The following TMEM202 variants were observed in gnomAD, a reference collection of about 807,000 sequenced individuals.
TMEM202 encodes the protein transmembrane protein 202.
In TMEM202, 25 loss-of-function variants were observed where a neutral mutation model predicts 26.1. The ratio of observed to expected loss-of-function variants is 0.96; its 90% confidence interval spans 0.70 to 1.34. TMEM202 has a LOEUF of 1.34. Among genes scored for constraint, TMEM202 ranks in the 40% most tolerant of loss-of-function variants. The pLI is 0.00. For missense variants in TMEM202, 301 were observed against 327.7 expected, an observed-to-expected ratio of 0.92 and a Z score of 0.63; for synonymous variants, 122 against 119.0, an observed-to-expected ratio of 1.02 and a Z score of -0.16.
chr15:72,402,617 A>G (rs550404797), intron 2 of TMEM202, among the ~76,000 whole-genome samples: 2 of 152,232 alleles, frequency 1.3e-5, no homozygotes, highest in Admixed American at 6.5e-5. Flanking sequence ...CCCTTCTGTT[A>G]TTTTCCCATA....
chr15:72,406,757 G>T lies in TMEM202; in HGVS notation c.487+6G>T. On this transcript the variant is annotated splice_donor_region_variant and intron_variant, in intron 3 of 4. Coordinates refer to ENST00000341689, the MANE Select transcript of TMEM202 (RefSeq NM_001080462.3). ...CATGCTCAGCTTCATCTCAGGTACA[G>T]ACCTAGACTGGCAGGGTATTTTACC... 2.5e-6 allele frequency: 4 copies of T among 1,613,432 alleles called. No homozygotes were observed. The highest frequency in any genetic ancestry group is 3.4e-6 in the Non-Finnish European group (4 of 1,179,808).
intron 2 of TMEM202, among the ~76,000 whole-genome samples, chr15:72,403,438 G>A (rs1257647298): frequency 6.6e-6 from 1 of 152,174 alleles, no homozygotes; most frequent in Non-Finnish European, 1.5e-5. Flanking sequence ...ACTTAAGTCT[G>A]CATCAAAGTA....
rs1595824227 is a variant in TMEM202, at chr15:72,401,170, C to T, written c.337+2262C>T. ...CTTTATGACCTGTATTTTGTGCTGACCTCCTATCATTCAGTGACTAAGAAT... is the reference window on the plus strand; with the variant it reads ...CTTTATGACCTGTATTTTGTGCTGATCTCCTATCATTCAGTGACTAAGAAT... On this transcript the variant is annotated intron_variant, in intron 2 of 4. Coordinates refer to ENST00000341689, the MANE Select transcript of TMEM202 (RefSeq NM_001080462.3). 2.0e-5 allele frequency among the ~76,000 whole-genome samples: 3 copies of T among 152,130 alleles called. No individual in the cohort carries two copies. The South Asian group carries it at 6.2e-4, about 32-fold the overall frequency.
chr15:72,400,638 G>T (rs2063543153), intron 2 of TMEM202, among the ~76,000 whole-genome samples: 1 of 152,128 alleles, frequency 6.6e-6, no homozygotes, highest in Non-Finnish European at 1.5e-5. Context: ...GCTGGGTGTG[G>T]TGACTCACGC....
At position 72,407,304 on chromosome 15, in the gene TMEM202, A is replaced by C. The variant is rs2063577197; in HGVS notation, c.619+87A>C. On this transcript the variant is annotated intron_variant, in intron 4 of 4. Transcript: ENST00000341689. Reference sequence around the variant, plus strand: ...GGTATAATCCAGGAGAAATAGAAGCACTGACTGTTCCTTTTCAGAACACTG... The same window carrying C: ...GGTATAATCCAGGAGAAATAGAAGCCCTGACTGTTCCTTTTCAGAACACTG... 4 of 1,454,886 alleles carry C rather than the reference A, an allele frequency of 2.7e-6. No individual in the cohort carries two copies. The East Asian group carries it at 9.2e-5, about 33-fold the overall frequency. The allele number at this position is 1,454,886 out of a possible 1,614,324, so 90.1% of individuals were successfully genotyped here.
chr15:72,407,585 C>A, intron 4 of TMEM202, 106 bp from the exon 5 acceptor site: 1 of 989,084 alleles, frequency 1.0e-6, no homozygotes, highest in Non-Finnish European at 1.5e-6. Context: ...GAGGGGTTCA[C>A]TGAAAAGATG....
chr15:72,404,960 A>T (rs941884430), intron 2 of TMEM202, among the ~76,000 whole-genome samples: 1 of 152,170 alleles, frequency 6.6e-6, no homozygotes, highest in Non-Finnish European at 1.5e-5. Context: ...GTCTTCAGAA[A>T]ATGTGCAGCT....
intron 2 of TMEM202, among the ~76,000 whole-genome samples, chr15:72,405,427 T>G (rs2063566413): frequency 6.6e-6 from 1 of 152,172 alleles, no homozygotes; most frequent in Admixed American, 6.6e-5. Context: ...TGTTCCATCT[T>G]AGGGATGTGG....
chr15:72,406,985 C>T, intron 3 of TMEM202, 101 bp from the exon 4 acceptor site: 1 of 1,474,878 alleles, frequency 6.8e-7, no homozygotes, highest in Admixed American at 2.2e-5. Context: ...CTTTTTGATC[C>T]TCGCTATACA....
chr15:72,402,947 G>C (rs1049710591), intron 2 of TMEM202, among the ~76,000 whole-genome samples: 25 of 152,162 alleles, frequency 1.6e-4, no homozygotes, highest in African/African-American at 6.0e-4. Context: ...TGAGCCTGGA[G>C]AAGTTGTATG....
At position 72,408,016 on chromosome 15, in the gene TMEM202, G is replaced by T; in HGVS notation, c.*123G>T. 1.3e-6 allele frequency: 1 copy of T among 746,594 alleles called. No individual in the cohort carries two copies. The highest frequency in any genetic ancestry group is 2.1e-6 in the Non-Finnish European group (1 of 465,488). 46.2% of individuals were successfully genotyped at this position (746,594 alleles called of 1,614,324 possible). On this transcript the variant is annotated 3_prime_UTR_variant, in exon 5 of 5. Coordinates refer to ENST00000341689, the MANE Select transcript of TMEM202 (RefSeq NM_001080462.3). ...TATTACTTGAGGAGACAGCATTAAA[G>T]CTGATGAAATGTCTTTTGCGTGCAT...
At position 72,399,059 on chromosome 15, in the gene TMEM202, G is replaced by A. The variant is rs963658866; in HGVS notation, c.337+151G>A. On this transcript the variant is annotated intron_variant, in intron 2 of 4. Coordinates refer to ENST00000341689, the MANE Select transcript of TMEM202 (RefSeq NM_001080462.3). ...GATCTTTCTTTGGTATCCTCAGTGT[G>A]CCCTTTCTCTCTCCTATTCCAGGTT... 5.7e-6 allele frequency: 5 copies of A among 883,526 alleles called. No individual in the cohort carries two copies. In the African/African-American group the frequency reaches 6.7e-5, roughly 12 times the overall value. The allele number at this position is 883,526 out of a possible 1,614,324, so 54.7% of individuals were successfully genotyped here. A position where few individuals can be genotyped will look rare whatever the true frequency, so the allele number is the denominator to read the frequency against.
At chr15:72,402,392 A>G (rs1203027711) in intron 2 of TMEM202, among the ~76,000 whole-genome samples, 2 of 152,138 alleles carry the variant, frequency 1.3e-5, no homozygotes, top group African/African-American at 4.8e-5. Flanking sequence ...CGTAAGTTTC[A>G]CAGGGGCTAT....
intron 2 of TMEM202, among the ~76,000 whole-genome samples, chr15:72,399,894 G>T (rs1231871928): frequency 6.6e-6 from 1 of 152,142 alleles, no homozygotes; most frequent in Non-Finnish European, 1.5e-5. Context: ...TGTGAGTAAA[G>T]CATCTATTCT....
rs2140354833 is a variant in TMEM202, at chr15:72,398,826, C to G, written c.255C>G (p.Ile85Met). 6.2e-7 allele frequency: 1 copy of G among 1,614,174 alleles called. No individual in the cohort carries two copies. Residue 85 changes from isoleucine (I) to methionine (M), a missense_variant, in exon 2 of 5, where the codon ATC (isoleucine) becomes ATG (methionine). Ile to Met is a conservative substitution (Grantham distance 10). Coordinates refer to ENST00000341689, the MANE Select transcript of TMEM202 (RefSeq NM_001080462.3). Reference protein sequence around the residue: ...SPLNWVQFLVIKNGLELYAGL... With the variant: ...SPLNWVQFLVMKNGLELYAGL... ...TGAACTGGGTACAGTTTCTGGTGATCAAGAATGGCCTTGAGCTCTACGCAG... is the reference window on the plus strand; with the variant it reads ...TGAACTGGGTACAGTTTCTGGTGATGAAGAATGGCCTTGAGCTCTACGCAG...
intron 2 of TMEM202, 48 bp from the exon 3 acceptor site, chr15:72,406,554 G>C (rs373323522): frequency 1.3e-6 from 2 of 1,553,794 alleles, no homozygotes; most frequent in Non-Finnish European, 1.8e-6. Flanking sequence ...TTAAGGGAAG[G>C]TCCCTCACTG....
Position 72,407,712 on chromosome 15 carries a change from A to T in TMEM202, c.641A>T (p.Tyr214Phe), listed in dbSNP as rs2063579493. 1 of 1,613,870 alleles carries T rather than the reference A, an allele frequency of 6.2e-7. No homozygotes were observed. The stretch of plus-strand genomic sequence containing the variant: ...GTAGGGATCATCTCTCTTCTCAACT[A>T]CTTAACTTCCAGATCGCCTGCCTGT... ...MFAGIISLLN[Y>F]LTSRSPACDE... The change falls in exon 5 of 5, where the codon TAC becomes TTC. Residue 214 changes from tyrosine to phenylalanine, a missense_variant. Physicochemically the swap from Tyr to Phe is conservative, Grantham distance 22. Coordinates refer to ENST00000341689, the MANE Select transcript of TMEM202 (RefSeq NM_001080462.3).
At position 72,407,889 on chromosome 15, in the gene TMEM202, G is replaced by A. The variant is rs2063581112; in HGVS notation, c.818G>A (p.Trp273Ter). 2 of 1,612,268 alleles carry A rather than the reference G, an allele frequency of 1.2e-6. No individual in the cohort carries two copies. The highest frequency in any genetic ancestry group is 2.7e-5 in the African/African-American group (2 of 74,986). ...AATTTACCAAAGTCAGGACTGTGGT[G>A]GTGATAGGAAAACCTAACTATAGCT... Reference protein sequence around the residue: ...EKNLPKSGLWW With the variant: ...EKNLPKSGLW The change falls in exon 5 of 5, where the codon TGG (tryptophan) becomes TAG (stop). Residue 273 changes from tryptophan to a stop codon, truncating the protein, a stop_gained. Coordinates refer to ENST00000341689, the MANE Select transcript of TMEM202 (RefSeq NM_001080462.3). LOFTEE classifies it high-confidence loss of function.
rs1237016230 is a variant in TMEM202 at position 72,406,769 on chromosome 15, C to A, written c.487+18C>A. ...CATCTCAGGTACAGACCTAGACTGG[C>A]AGGGTATTTTACCATGGTAAAATAG... On this transcript the variant is annotated intron_variant, in intron 3 of 4. Coordinates refer to ENST00000341689, the MANE Select transcript of TMEM202 (RefSeq NM_001080462.3). 7 of 1,611,786 alleles carry A rather than the reference C, an allele frequency of 4.3e-6. No homozygotes were observed. The East Asian group carries it at 1.6e-4, about 36-fold the overall frequency.
Sources: allele counts gnomAD v4.1 joint callset (sites outside exome capture counted in the v4.1 genomes callset), GRCh38; gene constraint gnomAD v4.1.1; transcripts MANE v1.5; gene names NCBI Gene and HGNC (gene_info 2026-07-23, HGNC 2026-07-21).